Variants in RIC8B observed in about 807,000 individuals in gnomAD.
RIC8B encodes the protein RIC8 guanine nucleotide exchange factor B, also known as chaperone Ric-8B.
In RIC8B, 16 loss-of-function variants were observed where a neutral mutation model predicts 57.5. The ratio of observed to expected loss-of-function variants is 0.28; its 90% CI spans 0.19 to 0.42. The LOEUF (loss-of-function observed/expected upper bound fraction) is 0.42. Ranked by LOEUF, RIC8B falls within the 10% of genes least tolerant of loss-of-function variation. RIC8B has a pLI of 1.00. For missense variants in RIC8B, 481 were observed against 677.0 expected (o/e 0.71, Z 3.21); for synonymous variants, 216 against 250.8 (o/e 0.86, Z 1.31).
At chr12:106,788,983 T>C (rs2044152195) in intron 2 of RIC8B, among the ~76,000 whole-genome samples, 1 of 152,242 alleles carries the variant, frequency 6.6e-6, no homozygotes, top group Non-Finnish European at 1.5e-5. Context: ...TGAATTTTTA[T>C]GCTGTGTTTC....
At chr12:106,866,190 G>A (rs1468531527) in intron 8 of RIC8B, among the ~76,000 whole-genome samples, 1 of 151,162 alleles carries the variant, frequency 6.6e-6, no homozygotes, top group Admixed American at 6.6e-5. Context: ...TTGTTTTTTG[G>A]TCTGTTTTTG....
intron 3 of RIC8B, among the ~76,000 whole-genome samples, chr12:106,825,501 TA>T (rs1477467103): frequency 1.3e-5 from 2 of 152,194 alleles, no homozygotes; most frequent in Admixed American, 1.3e-4. Flanking sequence ...CTTAAGAAGG[TA>T]AATGAGAGTG....
chr12:106,797,809 G>A (rs955184846), intron 2 of RIC8B, among the ~76,000 whole-genome samples: 2 of 152,154 alleles, frequency 1.3e-5, no homozygotes, highest in Admixed American at 6.6e-5. Context: ...AGGAAACAAA[G>A]GCACGCAGAG....
chr12:106,776,827 T>C (rs1386214321), intron 1 of RIC8B, among the ~76,000 whole-genome samples: 3 of 152,232 alleles, frequency 2.0e-5, no homozygotes, highest in Admixed American at 2.0e-4. Flanking sequence ...CTGAGAGTGC[T>C]CTGACTAGAT....
rs1951205066 is a variant in RIC8B, at chr12:106,886,916, C to G, written c.*901C>G. ...CATTTGTACATATAGGTCATTCATACATCACATTTTAAATTGGGGACTGTG... is the reference window on the plus strand; with the variant it reads ...CATTTGTACATATAGGTCATTCATAGATCACATTTTAAATTGGGGACTGTG... On this transcript the variant is annotated 3_prime_UTR_variant, in exon 10 of 10. Transcript: ENST00000392837. 1 of 152,058 alleles carries G rather than the reference C, an allele frequency of 6.6e-6. No homozygotes were observed. Among genetic ancestry groups the G allele is most frequent in the Non-Finnish European group, 1.5e-5 (1 of 67,674 alleles). 9.4% of individuals were successfully genotyped at this position (152,058 alleles called of 1,614,324 possible). A position where few individuals can be genotyped will look rare whatever the true frequency, so the allele number is the denominator to read the frequency against.
chr12:106,783,265 T>A (rs540166915), intron 1 of RIC8B, among the ~76,000 whole-genome samples: 1 of 152,290 alleles, frequency 6.6e-6, no homozygotes, highest in African/African-American at 2.4e-5. Context: ...TGCCTTAGCT[T>A]TTTTTTAACT....
chr12:106,866,639 C>T (rs1566160065), intron 8 of RIC8B, among the ~76,000 whole-genome samples: 1 of 152,256 alleles, frequency 6.6e-6, no homozygotes, highest in African/African-American at 2.4e-5. Flanking sequence ...TTGGCTTGCT[C>T]CATGTCCTAT....
rs1950835653 is a variant in RIC8B, at chr12:106,879,645, G to A, written c.1572-6259G>A. 3 of 985,282 alleles carry A rather than the reference G, an allele frequency of 3.0e-6. No homozygotes were observed. The highest frequency in any genetic ancestry group is 1.7e-5 in the African/African-American group (1 of 57,228). The allele number at this position is 985,282 out of a possible 1,614,324, so 61.0% of individuals were successfully genotyped here. ...TTTCCATTAGCAGTCCCAAGGGTTAGGCTGGGGCAAAATAGGGTTTCCTTT... is the reference window on the plus strand; with the variant it reads ...TTTCCATTAGCAGTCCCAAGGGTTAAGCTGGGGCAAAATAGGGTTTCCTTT... On this transcript the variant is annotated intron_variant, in intron 9 of 9. Transcript: ENST00000392837. This position sits in a 1 kb window ranked among gnomAD's most constrained non-coding sequence, Gnocchi z 4.9.
intron 9 of RIC8B, chr12:106,871,500 CAAAAAACT>C (rs1950426204): frequency 3.0e-5 from 2 of 66,572 alleles, no homozygotes; most frequent in African/African-American, 1.2e-4. Context: ...AAAAAAAAAC[CAAAAAACT>C]CCCCTTCCCC....
At chr12:106,810,410 G>A (rs189015623) in intron 2 of RIC8B, among the ~76,000 whole-genome samples, 116 of 152,148 alleles carry the variant, frequency 7.6e-4, no homozygotes, top group African/African-American at 2.6e-3. Context: ...TGTCCCTTCC[G>A]CCTTCAGAGA....
chr12:106,829,176 G>T (rs2046244339), intron 4 of RIC8B, among the ~76,000 whole-genome samples: 1 of 152,212 alleles, frequency 6.6e-6, no homozygotes, highest in African/African-American at 2.4e-5. Context: ...ATGGTAACAG[G>T]TAGGTTGTTG....
At chr12:106,874,607 G>T (rs1950585740) in intron 9 of RIC8B, 10 of 1,421,242 alleles carry the variant, frequency 7.0e-6, no homozygotes, top group South Asian at 3.8e-5. Context: ...CTGGTGTAGG[G>T]TATAGATGTT....
At chr12:106,872,112 T>A (rs1159434482) in intron 9 of RIC8B, among the ~76,000 whole-genome samples, 1 of 152,228 alleles carries the variant, frequency 6.6e-6, no homozygotes. Context: ...GGTTAGAATT[T>A]ACAGCTAACT....
chr12:106,818,086 T>G (rs997598330), intron 3 of RIC8B, among the ~76,000 whole-genome samples: 1 of 152,302 alleles, frequency 6.6e-6, no homozygotes, highest in Admixed American at 6.5e-5. Context: ...TATATGCTCA[T>G]TGTATAATAT....
chr12:106,882,350 C>CT, intron 9 of RIC8B, among the ~76,000 whole-genome samples: 1 of 152,300 alleles, frequency 6.6e-6, no homozygotes, highest in South Asian at 2.1e-4. Flanking sequence ...GTTCTTACAG[C>CT]TAGTGACTGG....
At chr12:106,844,627 T>C (rs924946799) in intron 6 of RIC8B, among the ~76,000 whole-genome samples, 3 of 152,214 alleles carry the variant, frequency 2.0e-5, no homozygotes, top group Non-Finnish European at 4.4e-5. Flanking sequence ...ACCTTATTTA[T>C]GCTTAAAGAT....
intron 2 of RIC8B, chr12:106,798,114 G>A (rs2044568368): frequency 1.4e-6 from 1 of 703,544 alleles, no homozygotes; most frequent in Non-Finnish European, 2.6e-6. Context: ...TAGCTGTGTA[G>A]TACTGGCCTT....
intron 2 of RIC8B, among the ~76,000 whole-genome samples, chr12:106,784,863 A>G (rs559566895): frequency 6.6e-6 from 1 of 152,234 alleles, no homozygotes; most frequent in Non-Finnish European, 1.5e-5. Flanking sequence ...ACCTAATATC[A>G]GTGTCTTGCT....
At chr12:106,834,171 T>C (rs752818222) in intron 4 of RIC8B, among the ~76,000 whole-genome samples, 3 of 152,236 alleles carry the variant, frequency 2.0e-5, no homozygotes, top group Non-Finnish European at 4.4e-5. Flanking sequence ...TTGTAGTAGT[T>C]GTGAATTCAT....
Sources: gnomAD v4.1 joint callset for allele counts (sites outside exome capture counted in the v4.1 genomes callset) on GRCh38, gnomAD v4.1.1 for gene constraint, Gnocchi (gnomAD v3.1) non-coding constraint, MANE v1.5 for transcripts, NCBI Gene and HGNC (gene_info 2026-07-23, HGNC 2026-07-21) for gene names.